The following WDR43 variants were observed in gnomAD, a reference collection of about 807,000 sequenced individuals.
WDR43 encodes WD repeat-containing protein 43.
WDR43 carries 13 observed loss-of-function variants against 91.4 expected under a neutral mutation model. The ratio of observed to expected loss-of-function variants is 0.14; its 90% CI spans 0.09 to 0.23. The LOEUF (loss-of-function observed/expected upper bound fraction) is 0.23. Among genes scored for constraint, WDR43 ranks in the 10% least tolerant of loss-of-function variants. The pLI is 1.00. For missense variants in WDR43, 780 were observed against 809.4 expected (o/e 0.96, Z 0.44); for synonymous variants, 331 against 287.9 (o/e 1.15, Z -1.51).
rs2148182580 is a variant in WDR43 at position 28,909,606 on chromosome 2, C to T, written c.486-2984C>T. Among the ~76,000 whole-genome samples the T allele has an allele frequency of 2.0e-5, 3 of 152,252 alleles. 1 individual carries two copies. The highest frequency in any genetic ancestry group is 2.0e-4 in the Admixed American group (3 of 15,296). On this transcript the variant is annotated intron_variant, in intron 3 of 17. Transcript: ENST00000407426. ...GCTGATTGGTGGCTGGGCGTGGTGG[C>T]TTATGCCTAAAATCTCAGCACTTTG...
intron 1 of WDR43, among the ~76,000 whole-genome samples, chr2:28,899,005 T>C (rs1229888751): frequency 6.6e-6 from 1 of 151,228 alleles, no homozygotes; most frequent in Non-Finnish European, 1.5e-5. Context: ...CAAATGCTGA[T>C]GATGGATCAA....
chr2:28,925,504 A>T (rs1267655508), intron 8 of WDR43, among the ~76,000 whole-genome samples: 1 of 152,228 alleles, frequency 6.6e-6, no homozygotes, highest in Non-Finnish European at 1.5e-5. Flanking sequence ...GTTGGTCAGT[A>T]CAGGTATGAC....
chr2:28,931,078 T>C (rs1465422233), intron 11 of WDR43, among the ~76,000 whole-genome samples: 2 of 99,218 alleles, frequency 2.0e-5, no homozygotes, highest in East Asian at 4.0e-4. Flanking sequence ...TTATTTCTGC[T>C]TTTTTTTTTT....
intron 7 of WDR43, 27 bp downstream of exon 7, chr2:28,923,010 A>G: frequency 1.3e-6 from 2 of 1,599,002 alleles, no homozygotes; most frequent in Non-Finnish European, 1.7e-6. Context: ...CCAAGTAAGA[A>G]ATTTGTTTCT....
Position 28,922,940 on chromosome 2 carries a change from T to C in WDR43, c.871T>C (p.Cys291Arg). The change falls in exon 7 of 18, where the codon TGC becomes CGC. Residue 291 changes from cysteine (C) to arginine (R), a missense_variant. Around this residue, in one of 4 missense-constraint regions of WDR43, gnomAD observed 426 missense variants for 467.8 expected, o/e 0.91. Coordinates refer to ENST00000407426, the MANE Select transcript of WDR43 (RefSeq NM_015131.3). Reference sequence around the variant, plus strand: ...TTAGCCTGTCAAGTTGGCTGTTGTTTGCAGAGATGGTCAAGTCCATCTTTT... The same window carrying C: ...TTAGCCTGTCAAGTTGGCTGTTGTTCGCAGAGATGGTCAAGTCCATCTTTT... The part of the protein sequence containing the change: ...KEEPVKLAVV[C>R]RDGQVHLFEH... The C allele has an allele frequency of 6.2e-7, 1 of 1,613,102 alleles. No individual in the cohort carries two copies.
intron 13 of WDR43, 80 bp from the exon 14 acceptor site, chr2:28,937,851 T>C: frequency 7.4e-7 from 1 of 1,348,428 alleles, no homozygotes; most frequent in African/African-American, 1.4e-5. Context: ...CCTTCACTTG[T>C]CTGTCTGGGT....
At position 28,927,644 on chromosome 2, in the gene WDR43, C is replaced by T. The variant is rs747239470; in HGVS notation, c.1249C>T (p.Pro417Ser). ...TCCTGGTCATCATGCAGCTATCAAGCCCGCTCCTCCACAAACCGAGCAAGT... is the reference window on the plus strand; with the variant it reads ...TCCTGGTCATCATGCAGCTATCAAGTCCGCTCCTCCACAAACCGAGCAAGT... ...GIPGHHAAIK[P>S]APPQTEQVES... Residue 417 changes from proline to serine, a missense_variant, in exon 10 of 18, where the codon CCC becomes TCC. Coordinates refer to ENST00000407426, the MANE Select transcript of WDR43 (RefSeq NM_015131.3). The T allele has an allele frequency of 6.2e-7, 1 of 1,613,878 alleles. No homozygotes were observed. The highest frequency in any genetic ancestry group is 1.1e-5 in the South Asian group (1 of 91,086).
At chr2:28,938,098 A>C in intron 14 of WDR43, 104 bp downstream of exon 14, 2 of 1,250,546 alleles carry the variant, frequency 1.6e-6, no homozygotes, top group Non-Finnish European at 2.3e-6. Context: ...TTCCCCATCT[A>C]TCCTTCAGCC....
intron 1 of WDR43, among the ~76,000 whole-genome samples, chr2:28,898,510 G>A (rs1407054523): frequency 6.6e-6 from 1 of 152,166 alleles, no homozygotes; most frequent in African/African-American, 2.4e-5. Context: ...AATACATTTT[G>A]TTCACTGTTA....
intron 14 of WDR43, among the ~76,000 whole-genome samples, chr2:28,939,256 A>G (rs780230426): frequency 2.0e-5 from 3 of 151,382 alleles, no homozygotes; most frequent in African/African-American, 4.8e-5. Context: ...GGGCATTGCA[A>G]TTGCATGAAC....
chr2:28,899,851 GTTCT>G (rs1217881902), intron 1 of WDR43, among the ~76,000 whole-genome samples: 1 of 152,130 alleles, frequency 6.6e-6, no homozygotes, highest in Non-Finnish European at 1.5e-5. Flanking sequence ...TGAGTCCTGA[GTTCT>G]TTAAGTTCAA....
chr2:28,937,102 T>C (rs76570624), intron 13 of WDR43, 149 bp downstream of exon 13: 2 of 765,590 alleles, frequency 2.6e-6, no homozygotes, highest in East Asian at 2.8e-5. Flanking sequence ...ATGATTCTTA[T>C]TCTTAGCGTT....
At chr2:28,914,331 C>A in intron 5 of WDR43, 123 bp downstream of exon 5, 1 of 1,239,140 alleles carries the variant, frequency 8.1e-7, no homozygotes, top group East Asian at 2.7e-5. Flanking sequence ...TACATTGAGT[C>A]ATAATAAAAA....
At chr2:28,927,544 C>T in intron 9 of WDR43, 25 bp from the exon 10 acceptor site, 1 of 1,611,338 alleles carries the variant, frequency 6.2e-7, no homozygotes, top group Non-Finnish European at 8.5e-7. Flanking sequence ...TCCTTTTTCA[C>T]ACTTTGGCTA....
At chr2:28,943,399 G>T (rs1197264651) in intron 16 of WDR43, among the ~76,000 whole-genome samples, 1 of 152,126 alleles carries the variant, frequency 6.6e-6, no homozygotes, top group African/African-American at 2.4e-5. Context: ...GCTTCCCAAA[G>T]TGCTGGGAAT....
At chr2:28,905,398 T>C (rs1670660612) in intron 2 of WDR43, among the ~76,000 whole-genome samples, 1 of 152,206 alleles carries the variant, frequency 6.6e-6, no homozygotes, top group Non-Finnish European at 1.5e-5. Flanking sequence ...CTTGCTATGC[T>C]GTAAATGTAT....
intron 1 of WDR43, chr2:28,895,130 C>T: frequency 2.4e-6 from 1 of 410,138 alleles, no homozygotes; most frequent in Non-Finnish European, 4.0e-6. Context: ...CGCAGCTCGA[C>T]CCGGCCGGCC....
At chr2:28,918,117 G>A in intron 6 of WDR43, 122 bp downstream of exon 6, 2 of 811,694 alleles carry the variant, frequency 2.5e-6, no homozygotes, top group Admixed American at 2.9e-5. Flanking sequence ...ACAACAAACT[G>A]TAACAAATTT....
intron 5 of WDR43, among the ~76,000 whole-genome samples, chr2:28,914,535 C>G (rs777505979): frequency 2.0e-5 from 3 of 152,232 alleles, no homozygotes; most frequent in Non-Finnish European, 2.9e-5. Flanking sequence ...GCAGTAGTGT[C>G]TGTTTATGGA....
Sources: gnomAD v4.1 joint callset for allele counts (sites outside exome capture counted in the v4.1 genomes callset) on GRCh38, gnomAD v4.1.1 for gene constraint, gnomAD v4.1.1 regional missense constraint, MANE v1.5 for transcripts, NCBI Gene and HGNC (gene_info 2026-07-23, HGNC 2026-07-21) for gene names.